Variants in STX7 observed in about 807,000 individuals in gnomAD.
The protein encoded by STX7 is syntaxin 7, also known as syntaxin-7.
Under a neutral mutation model 39.6 loss-of-function variants are expected in STX7, and 34 were observed. The observed-to-expected ratio is 0.86, with a 90% confidence interval of 0.65 to 1.14. The LOEUF (loss-of-function observed/expected upper bound fraction) is 1.14. Among genes scored for constraint, STX7 ranks in the 50% most tolerant of loss-of-function variants. The pLI is 0.00. For synonymous variants in STX7, 119 were observed against 99.1 expected (o/e 1.20, Z -1.19); for missense variants, 284 against 310.4 (o/e 0.92, Z 0.64).
chr6:132,513,394 T>C (rs1200574034), upstream of STX7, among the ~76,000 whole-genome samples: 1 of 152,236 alleles, frequency 6.6e-6, no homozygotes, highest in Non-Finnish European at 1.5e-5. Flanking sequence ...CCCCATTAGC[T>C]CTTGCCTGTC....
At chr6:132,493,866 A>G (rs1454533711) in intron 2 of STX7, among the ~76,000 whole-genome samples, 1 of 152,224 alleles carries the variant, frequency 6.6e-6, no homozygotes, top group Admixed American at 6.5e-5. Context: ...AAATGTACAG[A>G]GGGACAGCCT....
rs1774113802 is a variant in STX7, at chr6:132,450,391, T to C, written c.*10367A>G. 1 of 152,216 alleles carries C rather than the reference T, an allele frequency of 6.6e-6. No homozygotes were observed. Among genetic ancestry groups the C allele is most frequent in the Non-Finnish European group, 1.5e-5 (1 of 68,034 alleles). 9.4% of individuals were successfully genotyped at this position (152,216 alleles called of 1,614,324 possible). On this transcript the variant is annotated 3_prime_UTR_variant, in exon 10 of 10. Coordinates refer to ENST00000367941, the MANE Select transcript of STX7 (RefSeq NM_003569.3). ...TAGTGTCTTATTATTTTAAAATCTA[T>C]GTTTGGTTATTTATCTGTACTTTCA... is the stretch of plus-strand genomic sequence containing the variant.
intron 2 of STX7, among the ~76,000 whole-genome samples, chr6:132,494,299 T>C (rs1490571117): frequency 6.6e-6 from 1 of 151,944 alleles, no homozygotes; most frequent in Non-Finnish European, 1.5e-5. Context: ...AATGAACGAA[T>C]AAAATTATGT....
At position 132,453,611 on chromosome 6, in the gene STX7, A is replaced by G. The variant is rs1252803765; in HGVS notation, c.*7147T>C. On this transcript the variant is annotated 3_prime_UTR_variant, in exon 10 of 10. Coordinates refer to ENST00000367941, the MANE Select transcript of STX7 (RefSeq NM_003569.3). ...AACAGAAAAAAAATCCAATTAGAAA[A>G]GACATGAAGAAACATGTCACTAAAG... 6.6e-6 allele frequency: 1 copy of G among 152,086 alleles called. No individual in the cohort carries two copies. Among genetic ancestry groups the G allele is most frequent in the Non-Finnish European group, 1.5e-5 (1 of 67,970 alleles). 9.4% of individuals were successfully genotyped at this position (152,086 alleles called of 1,614,324 possible). A position where few individuals can be genotyped will look rare whatever the true frequency, so the allele number is the denominator to read the frequency against.
rs557207126 is a variant in STX7 at position 132,454,339 on chromosome 6, G to A, written c.*6419C>T. The A allele has an allele frequency of 1.3e-5, 2 of 152,014 alleles. No homozygotes were observed. Among genetic ancestry groups the A allele is most frequent in the South Asian group, 2.1e-4 (1 of 4,826 alleles). The allele number at this position is 152,014 out of a possible 1,614,324, so 9.4% of individuals were successfully genotyped here. A position where few individuals can be genotyped will look rare whatever the true frequency, so the allele number is the denominator to read the frequency against. On this transcript the variant is annotated 3_prime_UTR_variant, in exon 10 of 10. Coordinates refer to ENST00000367941, the MANE Select transcript of STX7 (RefSeq NM_003569.3). ...ATCAAAAGCAAGATGAGGGATCCCTGTGCTAGAAAAAGTTCTGTGTGGAAA... is the reference window on the plus strand; with the variant it reads ...ATCAAAAGCAAGATGAGGGATCCCTATGCTAGAAAAAGTTCTGTGTGGAAA...
At chr6:132,494,753 G>A (rs1775381275) in intron 2 of STX7, among the ~76,000 whole-genome samples, 1 of 152,222 alleles carries the variant, frequency 6.6e-6, no homozygotes. Context: ...GGCATGGTGG[G>A]GATTTATATC....
At position 132,459,634 on chromosome 6, in the gene STX7, T is replaced by C. The variant is rs1774338438; in HGVS notation, c.*1124A>G. 1 of 152,238 alleles carries C rather than the reference T, an allele frequency of 6.6e-6. No individual in the cohort carries two copies. Among genetic ancestry groups the C allele is most frequent in the Non-Finnish European group, 1.5e-5 (1 of 68,034 alleles). The allele number at this position is 152,238 out of a possible 1,614,324, so 9.4% of individuals were successfully genotyped here. A position where few individuals can be genotyped will look rare whatever the true frequency, so the allele number is the denominator to read the frequency against. On this transcript the variant is annotated 3_prime_UTR_variant, in exon 10 of 10. Coordinates refer to ENST00000367941, the MANE Select transcript of STX7 (RefSeq NM_003569.3). ...AACACCGCCTTCAGTACCGAGCTGCTATACAAGAACATTATAAAATACAAA... is the reference window on the plus strand; with the variant it reads ...AACACCGCCTTCAGTACCGAGCTGCCATACAAGAACATTATAAAATACAAA...
At chr6:132,509,797 G>T (rs758670432) in intron 1 of STX7, among the ~76,000 whole-genome samples, 92 of 152,144 alleles carry the variant, frequency 6.0e-4, no homozygotes, top group Non-Finnish European at 2.8e-4. Flanking sequence ...AGACAGACAG[G>T]ATAGGTAACT....
At chr6:132,495,189 A>G (rs1023587500) in intron 2 of STX7, among the ~76,000 whole-genome samples, 1 of 152,232 alleles carries the variant, frequency 6.6e-6, no homozygotes, top group Non-Finnish European at 1.5e-5. Flanking sequence ...TCATAAAACA[A>G]AGAATTCACT....
rs569489085 is a variant in STX7, at chr6:132,481,780, G to GC, written c.86-6119dup. ...AACACCATATAAACTCAAAGAGGGTGCAGCAGCAACAAATGCTATAACAAT... is the reference window on the plus strand; with the variant it reads ...AACACCATATAAACTCAAAGAGGGTGCCAGCAGCAACAAATGCTATAACAAT... On this transcript the variant is annotated intron_variant, in intron 2 of 9. Coordinates refer to ENST00000367941, the MANE Select transcript of STX7 (RefSeq NM_003569.3). Among the ~76,000 whole-genome samples the GC allele has an allele frequency of 2.7e-4, 41 of 152,288 alleles. 1 individual carries two copies. The East Asian group carries it at 7.3e-3, about 27-fold the overall frequency.
chr6:132,510,125 A>G (rs535472402), intron 1 of STX7, among the ~76,000 whole-genome samples: 2 of 152,354 alleles, frequency 1.3e-5, no homozygotes, highest in Admixed American at 6.5e-5. Flanking sequence ...TAACACCAAA[A>G]TACAGCTAGG....
chr6:132,506,169 C>T (rs1233256711), intron 1 of STX7, among the ~76,000 whole-genome samples: 2 of 151,850 alleles, frequency 1.3e-5, no homozygotes, highest in Admixed American at 1.3e-4. Context: ...AGGGAAAACT[C>T]TTCTGGACAT....
intron 2 of STX7, among the ~76,000 whole-genome samples, chr6:132,482,142 T>C (rs796191437): frequency 1.4e-4 from 22 of 152,322 alleles, no homozygotes; most frequent in African/African-American, 5.3e-4. Context: ...AAATAATATA[T>C]ATTTCTAAAA....
rs1277888980 is a variant in STX7, at chr6:132,457,256, CACATT to C, written c.*3497_*3501del. 6.6e-6 allele frequency: 1 copy of C among 152,172 alleles called. No individual in the cohort carries two copies. The highest frequency in any genetic ancestry group is 2.4e-5 in the African/African-American group (1 of 41,438). The allele number at this position is 152,172 out of a possible 1,614,324, so 9.4% of individuals were successfully genotyped here. ...CTGAATTGTTAAAATATGCAAAATT[CACATT>C]AAAGAAGTTTCCTACCTATCTTGTG... On this transcript the variant is annotated 3_prime_UTR_variant, in exon 10 of 10. Coordinates refer to ENST00000367941, the MANE Select transcript of STX7 (RefSeq NM_003569.3).
rs1017946490 is a variant in STX7 at position 132,513,056 on chromosome 6, A to G, written c.-108T>C. 4.0e-5 allele frequency: 6 copies of G among 151,858 alleles called. No individual in the cohort carries two copies. The highest frequency in any genetic ancestry group is 1.2e-4 in the African/African-American group (5 of 41,286). 9.4% of individuals were successfully genotyped at this position (151,858 alleles called of 1,614,324 possible). Reference sequence around the variant, plus strand: ...CACCTCCGACCGCCGTCACCCACCTACCCCGGAGCCCTCAGCTGCAATTCT... The same window carrying G: ...CACCTCCGACCGCCGTCACCCACCTGCCCCGGAGCCCTCAGCTGCAATTCT... On this transcript the variant is annotated 5_prime_UTR_variant, in exon 1 of 10. Coordinates refer to ENST00000367941, the MANE Select transcript of STX7 (RefSeq NM_003569.3).
At chr6:132,468,890 T>C (rs1774632454) in intron 7 of STX7, among the ~76,000 whole-genome samples, 1 of 152,194 alleles carries the variant, frequency 6.6e-6, no homozygotes, top group South Asian at 2.1e-4. Flanking sequence ...AATTTGACAA[T>C]TTAAAGTAAT....
chr6:132,470,740 T>C (rs1774693979), intron 5 of STX7, 114 bp from the exon 6 acceptor site: 1 of 607,460 alleles, frequency 1.6e-6, no homozygotes, highest in Non-Finnish European at 2.9e-6. Context: ...TGTACGTGTC[T>C]GTGTGTATGT....
intron 2 of STX7, among the ~76,000 whole-genome samples, chr6:132,478,065 T>C (rs915085671): frequency 3.3e-5 from 5 of 151,772 alleles, no homozygotes; most frequent in Admixed American, 1.3e-4. Flanking sequence ...GAGGGAGCAA[T>C]AGTCAATAAC....
rs1019921814 is a variant in STX7, at chr6:132,451,978, T to C, written c.*8780A>G. ...AACCAGTATGTCGCATTAAAACAGA[T>C]GCAAAAATCCTTAACAAAATATTAG... is the stretch of plus-strand genomic sequence containing the variant. On this transcript the variant is annotated 3_prime_UTR_variant, in exon 10 of 10. Coordinates refer to ENST00000367941, the MANE Select transcript of STX7 (RefSeq NM_003569.3). 2.0e-5 allele frequency: 3 copies of C among 152,168 alleles called. No homozygotes were observed. The highest frequency in any genetic ancestry group is 4.4e-5 in the Non-Finnish European group (3 of 68,020). The allele number at this position is 152,168 out of a possible 1,614,324, so 9.4% of individuals were successfully genotyped here.
Sources: gnomAD v4.1 joint callset for allele counts (sites outside exome capture counted in the v4.1 genomes callset) on GRCh38, gnomAD v4.1.1 for gene constraint, MANE v1.5 for transcripts, NCBI Gene and HGNC (gene_info 2026-07-23, HGNC 2026-07-21) for gene names.